TUNAR: variants seen among roughly 807,000 people sequenced by gnomAD.
TUNAR encodes the protein protein TUNAR.
exon 3 of TUNAR, chr14:95,923,922 G>A (rs1463280691): frequency 6.6e-6 from 1 of 152,178 alleles, no homozygotes; most frequent in African/African-American, 2.4e-5. Flanking sequence ...TAAGGGCTGA[G>A]TGATAGATCA....
intron 2 of TUNAR, among the ~76,000 whole-genome samples, chr14:95,889,821 TC>T (rs1889143843): frequency 6.6e-6 from 1 of 152,138 alleles, no homozygotes; most frequent in Admixed American, 6.5e-5. Context: ...CTCTCCTGGC[TC>T]CTGCGTCTGA....
intron 2 of TUNAR, among the ~76,000 whole-genome samples, chr14:95,889,811 C>T (rs1889143560): frequency 6.6e-6 from 1 of 152,172 alleles, no homozygotes; most frequent in African/African-American, 2.4e-5. Flanking sequence ...GAGATGGCTG[C>T]TCTCCTGGCT....
chr14:95,881,445 A>G (rs1888976141), intron 2 of TUNAR, among the ~76,000 whole-genome samples: 1 of 152,180 alleles, frequency 6.6e-6, no homozygotes, highest in Non-Finnish European at 1.5e-5. Flanking sequence ...GCTCCTCCTG[A>G]AAAAGGGACA....
chr14:95,886,068 C>T (rs959119337), intron 2 of TUNAR, among the ~76,000 whole-genome samples: 1 of 152,172 alleles, frequency 6.6e-6, no homozygotes, highest in Non-Finnish European at 1.5e-5. Flanking sequence ...GGAAATGGAG[C>T]GGGCAGTGTC....
At chr14:95,906,930 C>T (rs1449200338) in intron 2 of TUNAR, among the ~76,000 whole-genome samples, 1 of 152,212 alleles carries the variant, frequency 6.6e-6, no homozygotes, top group Non-Finnish European at 1.5e-5. Flanking sequence ...GAACCAGTCT[C>T]TTTAATTTCT....
At chr14:95,881,972 C>T (rs904325841) in intron 2 of TUNAR, among the ~76,000 whole-genome samples, 3 of 152,210 alleles carry the variant, frequency 2.0e-5, no homozygotes, top group Non-Finnish European at 4.4e-5. Context: ...GACGTCTTCA[C>T]CAACAGACCC....
chr14:95,918,530 C>T (rs1436946778), intron 2 of TUNAR, among the ~76,000 whole-genome samples: 2 of 152,188 alleles, frequency 1.3e-5, no homozygotes, highest in African/African-American at 4.8e-5. Context: ...GTGTTGTCTA[C>T]AGGGGAATTG....
At chr14:95,890,254 C>T (rs1889156647) in intron 2 of TUNAR, among the ~76,000 whole-genome samples, 1 of 152,214 alleles carries the variant, frequency 6.6e-6, no homozygotes, top group Non-Finnish European at 1.5e-5. Context: ...GTTTTCCTTC[C>T]TCTCTGTCTG....
At chr14:95,907,032 T>C (rs2139665807) in intron 2 of TUNAR, among the ~76,000 whole-genome samples, 1 of 152,368 alleles carries the variant, frequency 6.6e-6, no homozygotes, top group South Asian at 2.1e-4. Flanking sequence ...TAGCATACTG[T>C]TGTATGTTAC....
intron 2 of TUNAR, among the ~76,000 whole-genome samples, chr14:95,896,464 G>A (rs1889270960): frequency 6.6e-6 from 1 of 152,298 alleles, no homozygotes; most frequent in African/African-American, 2.4e-5. Flanking sequence ...AGCACCTCCT[G>A]CCCTGTTTTG....
Position 95,905,233 on chromosome 14 carries a change from C to T in TUNAR, c.13-17548C>T, listed in dbSNP as rs376219657. 6.3e-4 allele frequency among the ~76,000 whole-genome samples: 96 copies of T among 152,274 alleles called. 2 individuals carry two copies. In the South Asian group the frequency reaches 0.019, roughly 30 times the overall value. On this transcript the variant is annotated intron_variant, in intron 2 of 2. Transcript: ENST00000678517. ...ATCAGCAAACCCAGGAAGTTACCAA[C>T]GTGTAATACTATTAACTCAATTGCA...
chr14:95,877,364 G>C (rs972077670), intron 2 of TUNAR, among the ~76,000 whole-genome samples, 187 bp downstream of exon 1: 2 of 152,224 alleles, frequency 1.3e-5, no homozygotes, highest in East Asian at 1.9e-4. Context: ...CAGACCTGGT[G>C]CTTTCTTCTG....
At chr14:95,916,162 G>A (rs919226115) in intron 2 of TUNAR, among the ~76,000 whole-genome samples, 2 of 152,166 alleles carry the variant, frequency 1.3e-5, no homozygotes, top group East Asian at 1.9e-4. Context: ...AAGAGCAAGC[G>A]CTCATGTACC....
intron 2 of TUNAR, among the ~76,000 whole-genome samples, chr14:95,916,775 T>C (rs528228504): frequency 6.6e-6 from 1 of 152,360 alleles, no homozygotes; most frequent in South Asian, 2.1e-4. Flanking sequence ...GTACAGACTC[T>C]GTCAGTGTTC....
chr14:95,913,835 C>T lies in TUNAR; in HGVS notation c.13-8946C>T, dbSNP rs535720566. ...GCAACCTCCGCCTCCCAGGTTCAAG[C>T]GATTCTCCTGCCTCAGCCTCCCGAG... On this transcript the variant is annotated intron_variant, in intron 2 of 2. Transcript: ENST00000678517. 5.3e-5 allele frequency among the ~76,000 whole-genome samples: 8 copies of T among 152,258 alleles called. No homozygotes were observed. In the South Asian group the frequency reaches 8.3e-4, roughly 16 times the overall value.
intron 2 of TUNAR, among the ~76,000 whole-genome samples, chr14:95,898,387 T>A (rs752083345): frequency 2.6e-4 from 39 of 152,240 alleles, no homozygotes; most frequent in Non-Finnish European, 5.0e-4. Context: ...TTGTTCTGGA[T>A]GCCCAGTGGC....
intron 2 of TUNAR, among the ~76,000 whole-genome samples, chr14:95,881,696 G>A (rs371549908): frequency 6.6e-6 from 1 of 152,110 alleles, no homozygotes; most frequent in East Asian, 1.9e-4. Context: ...GACGGCCTTC[G>A]GAAGGTCACC....
At chr14:95,920,512 C>T (rs1889679407) in intron 2 of TUNAR, among the ~76,000 whole-genome samples, 1 of 152,060 alleles carries the variant, frequency 6.6e-6, no homozygotes, top group South Asian at 2.1e-4. Context: ...ATCTAGTAAA[C>T]CGAAGTTGTG....
intron 2 of TUNAR, among the ~76,000 whole-genome samples, chr14:95,921,068 T>C (rs959698732): frequency 7.9e-5 from 12 of 152,178 alleles, no homozygotes; most frequent in African/African-American, 2.9e-4. Context: ...TTGTCCCAGC[T>C]TGAAGGCAGG....
Sources: allele counts gnomAD v4.1 joint callset (sites outside exome capture counted in the v4.1 genomes callset), GRCh38; gene constraint gnomAD v4.1.1; transcripts MANE v1.5; gene names NCBI Gene and HGNC (gene_info 2026-07-23, HGNC 2026-07-21).